The following NAALADL2 variants were observed in gnomAD, a reference collection of about 807,000 sequenced individuals.
NAALADL2 encodes the protein inactive N-acetylated-alpha-linked acidic dipeptidase-like protein 2.
NAALADL2 carries 76 observed loss-of-function variants against 87.2 expected under a neutral mutation model. The observed-to-expected ratio is 0.87, with a 90% CI of 0.72 to 1.05. NAALADL2 has a LOEUF of 1.05. Ranked by LOEUF, NAALADL2 falls within the 50% of genes least tolerant of loss-of-function variation. The probability of loss-of-function intolerance (pLI) is 0.00; values close to 1 mark genes in which losing one functional copy is unlikely to be tolerated. For missense variants in NAALADL2, 1,089 were observed against 945.8 expected (o/e 1.15, Z -1.99); for synonymous variants, 354 against 331.0 (o/e 1.07, Z -0.75).
At chr3:174,987,535 C>T (rs1746050102) in intron 1 of NAALADL2, among the ~76,000 whole-genome samples, 1 of 118,776 alleles carries the variant, frequency 8.4e-6, no homozygotes, top group Non-Finnish European at 1.6e-5. Context: ...CGCCACTGCA[C>T]TCCAGCCTGG....
chr3:175,331,394 AATC>A (rs1761380753), intron 5 of NAALADL2, among the ~76,000 whole-genome samples: 1 of 152,322 alleles, frequency 6.6e-6, no homozygotes, highest in Non-Finnish European at 1.5e-5. Context: ...AGACACAAAA[AATC>A]ATCAACCAAA....
At chr3:175,707,060 A>G (rs1561010048) in intron 11 of NAALADL2, among the ~76,000 whole-genome samples, 1 of 152,164 alleles carries the variant, frequency 6.6e-6, no homozygotes, top group Non-Finnish European at 1.5e-5. Context: ...GTTGAGCTAC[A>G]TGTCACTTAG....
intron 2 of NAALADL2, among the ~76,000 whole-genome samples, chr3:175,161,873 G>A (rs922673310): frequency 5.9e-5 from 9 of 152,074 alleles, no homozygotes; most frequent in Non-Finnish European, 1.3e-4. Flanking sequence ...TATACATGCT[G>A]GTAATAACTA....
chr3:175,510,344 G>T (rs1402469399), intron 9 of NAALADL2, among the ~76,000 whole-genome samples: 1 of 152,198 alleles, frequency 6.6e-6, no homozygotes, highest in Non-Finnish European at 1.5e-5. Flanking sequence ...AGATTTGGGT[G>T]GAGACACAGC....
chr3:175,330,793 AAAT>A (rs1761303563), intron 5 of NAALADL2, among the ~76,000 whole-genome samples: 1 of 152,148 alleles, frequency 6.6e-6, no homozygotes, highest in Non-Finnish European at 1.5e-5. Flanking sequence ...AGAATGAAAC[AAAT>A]AATAAAATAT....
chr3:175,435,861 T>TC (rs1327089844), intron 5 of NAALADL2, among the ~76,000 whole-genome samples: 1 of 151,556 alleles, frequency 6.6e-6, no homozygotes, highest in East Asian at 1.9e-4. Flanking sequence ...CTTTTTTTTT[T>TC]TTTTATACTT....
chr3:174,638,250 A>G (rs1290445178), intron 2 of NAALADL2, among the ~76,000 whole-genome samples: 2 of 152,174 alleles, frequency 1.3e-5, no homozygotes, highest in Non-Finnish European at 2.9e-5. Flanking sequence ...AATTATGGAG[A>G]ATCTAGTTTA....
At chr3:175,454,086 T>C (rs1392598222) in intron 6 of NAALADL2, among the ~76,000 whole-genome samples, 2 of 152,074 alleles carry the variant, frequency 1.3e-5, no homozygotes, top group South Asian at 2.1e-4. Flanking sequence ...CTTCCCTTTA[T>C]ATATGTCTCA....
chr3:174,571,474 T>C (rs1294743438), intron 2 of NAALADL2, among the ~76,000 whole-genome samples: 1 of 152,064 alleles, frequency 6.6e-6, no homozygotes, highest in Non-Finnish European at 1.5e-5. Flanking sequence ...CCTCCTGGGT[T>C]TAAGCTTAGA....
intron 2 of NAALADL2, among the ~76,000 whole-genome samples, chr3:174,672,101 A>G (rs1233999845): frequency 6.6e-6 from 1 of 152,074 alleles, no homozygotes; most frequent in African/African-American, 2.4e-5. Flanking sequence ...AAGGTAAGGC[A>G]AGAGACACCT....
At chr3:174,747,852 A>G (rs1734417259) in intron 3 of NAALADL2, among the ~76,000 whole-genome samples, 2 of 152,174 alleles carry the variant, frequency 1.3e-5, no homozygotes, top group Non-Finnish European at 1.5e-5. Context: ...TTATAAAGAT[A>G]CATGCATGTG....
intron 1 of NAALADL2, among the ~76,000 whole-genome samples, chr3:174,520,301 G>A (rs1271340694): frequency 1.3e-5 from 2 of 152,068 alleles, no homozygotes; most frequent in East Asian, 3.8e-4. Context: ...CTCACATTAC[G>A]ACTTCAAACT....
At chr3:175,190,962 A>G (rs1278571807) in intron 2 of NAALADL2, among the ~76,000 whole-genome samples, 3 of 148,310 alleles carry the variant, frequency 2.0e-5, no homozygotes, top group Admixed American at 1.4e-4. Context: ...TGGGCAACAG[A>G]CAGAGGGAGA....
chr3:174,684,958 T>A (rs1425646381), intron 2 of NAALADL2, among the ~76,000 whole-genome samples: 17 of 152,144 alleles, frequency 1.1e-4, no homozygotes, highest in Non-Finnish European at 2.5e-4. Context: ...CTCATTCATC[T>A]TCTTGTCTGG....
At chr3:175,449,943 C>T (rs984293574) in intron 6 of NAALADL2, among the ~76,000 whole-genome samples, 59 of 152,222 alleles carry the variant, frequency 3.9e-4, no homozygotes, top group African/African-American at 1.4e-3. Context: ...ATATTTAAAT[C>T]ATTGAGAAGA....
chr3:175,491,578 ATATGAAAT>A (rs1171201363), intron 9 of NAALADL2, among the ~76,000 whole-genome samples: 5 of 152,184 alleles, frequency 3.3e-5, no homozygotes, highest in African/African-American at 1.2e-4. Context: ...TGTTTCATTT[ATATGAAAT>A]TTGATTTTTG....
intron 10 of NAALADL2, among the ~76,000 whole-genome samples, chr3:175,608,786 G>C (rs1211153150): frequency 1.3e-5 from 2 of 152,090 alleles, no homozygotes; most frequent in African/African-American, 4.8e-5. Context: ...AATATGCAAA[G>C]CATAAATTGC....
intron 3 of NAALADL2, among the ~76,000 whole-genome samples, chr3:174,852,691 T>C (rs1309152863): frequency 6.6e-6 from 1 of 151,866 alleles, no homozygotes. Context: ...AATGAAATTC[T>C]TCAGAGAAAT....
At chr3:175,652,245 C>T (rs1730858049) in intron 11 of NAALADL2, among the ~76,000 whole-genome samples, 1 of 152,044 alleles carries the variant, frequency 6.6e-6, no homozygotes, top group Admixed American at 6.6e-5. Context: ...TCAACATGGA[C>T]TTTATTTATA....
Sources: allele counts gnomAD v4.1 joint callset (sites outside exome capture counted in the v4.1 genomes callset), GRCh38; gene constraint gnomAD v4.1.1; transcripts MANE v1.5; gene names NCBI Gene and HGNC (gene_info 2026-07-23, HGNC 2026-07-21).